ANKRD11: variants seen among roughly 807,000 people sequenced by gnomAD.
The protein encoded by ANKRD11 is ankyrin repeat domain-containing protein 11.
ANKRD11 carries 17 observed loss-of-function variants against 195.7 expected under a neutral mutation model. That is an observed-to-expected ratio of 0.09 (90% CI 0.06 to 0.13). The LOEUF is 0.13. ANKRD11 is among the 10% of genes least tolerant of loss of function. The pLI is 1.00. For missense variants in ANKRD11, 3,735 were observed against 3,566.1 expected (o/e 1.05, Z -1.21); for synonymous variants, 1,953 against 1,528.1 (o/e 1.28, Z -6.49).
rs939096148 is a variant in ANKRD11 at position 89,283,632 on chromosome 16, C to G, written c.2910G>C (p.Glu970Asp). ...ACTCCTTCAGCTCCTCCCGGTGCGC[C>G]TCCTCGGGCTTGGCCCTGCCGTCCC... ...ERRDGRAKPEEAHREELKECG... is the reference protein window; with the variant it reads ...ERRDGRAKPEDAHREELKECG... Residue 970 changes from glutamate (E) to aspartate (D), a missense_variant, in exon 9 of 13, where the codon GAG (glutamate) becomes GAC (aspartate). By Grantham distance (45) the Glu-to-Asp change is conservative. Transcript: ENST00000301030. This position sits in a 1 kb window ranked among gnomAD's most constrained non-coding sequence, Gnocchi z 4.3. The G allele has an allele frequency of 1.2e-6, 2 of 1,610,554 alleles. No individual in the cohort carries two copies. Among genetic ancestry groups the G allele is most frequent in the Non-Finnish European group, 1.7e-6 (2 of 1,179,890 alleles).
chr16:89,275,131 C>T lies in ANKRD11; in HGVS notation c.7531G>A (p.Val2511Ile), dbSNP rs777571791. The T allele has an allele frequency of 3.1e-5, 50 of 1,612,196 alleles. No individual in the cohort carries two copies. The highest frequency in any genetic ancestry group is 3.7e-5 in the Non-Finnish European group (44 of 1,179,538). Residue 2511 changes from valine to isoleucine, a missense_variant, in exon 10 of 13, where the codon GTC becomes ATC. Coordinates refer to ENST00000301030, the MANE Select transcript of ANKRD11 (RefSeq NM_013275.6). ...LKELFRQQEAVRGKLRLQHSI... is the reference protein window; with the variant it reads ...LKELFRQQEAIRGKLRLQHSI... ...TGCTGTAGACGCAGCTTTCCCCGGACGGCCTCCTGCTGCCTGAACAGCTCC... is the reference window on the plus strand; with the variant it reads ...TGCTGTAGACGCAGCTTTCCCCGGATGGCCTCCTGCTGCCTGAACAGCTCC...
chr16:89,280,680 G>C lies in ANKRD11; in HGVS notation c.5862C>G (p.Ser1954=). ...TCAGGCTAGAGGCAAGCGCCTGCTC[G>C]GAGGGGTGGGCCCACTCAACGGGCT... ...TEEPVEWAHP[S]EQALASSLIG... is the part of the protein sequence containing the mutation. Residue 1954 remains serine, a synonymous_variant, in exon 9 of 13, where the codon TCC becomes TCG. Coordinates refer to ENST00000301030, the MANE Select transcript of ANKRD11 (RefSeq NM_013275.6). The C allele has an allele frequency of 1.2e-6, 2 of 1,613,412 alleles. No homozygotes were observed. Among genetic ancestry groups the C allele is most frequent in the Non-Finnish European group, 1.7e-6 (2 of 1,179,938 alleles).
At chr16:89,305,059 C>T (rs2036098707) in intron 4 of ANKRD11, 147 bp downstream of exon 4, 4 of 1,280,580 alleles carry the variant, frequency 3.1e-6, no homozygotes, top group African/African-American at 3.0e-5. Flanking sequence ...TGTGCTCCGC[C>T]CCTGCTGCCT....
chr16:89,363,920 A>G (rs1407600722), intron 2 of ANKRD11, among the ~76,000 whole-genome samples: 1 of 152,172 alleles, frequency 6.6e-6, no homozygotes. Flanking sequence ...TTACCCAGGT[A>G]TGATGGCATA....
intron 2 of ANKRD11, among the ~76,000 whole-genome samples, chr16:89,401,983 G>C (rs1347399918): frequency 2.0e-5 from 3 of 147,256 alleles, no homozygotes; most frequent in Non-Finnish European, 3.0e-5. Flanking sequence ...CGGCCCTGCA[G>C]ACAGCTTGGT....
At chr16:89,312,077 T>C (rs1046032202) in intron 3 of ANKRD11, among the ~76,000 whole-genome samples, 19 of 152,292 alleles carry the variant, frequency 1.2e-4, no homozygotes, top group African/African-American at 4.3e-4. Flanking sequence ...TTTGTATTTT[T>C]AGTAGAGATG....
chr16:89,455,151 AGGGTTCCTC>A (rs547102112), intron 1 of ANKRD11, among the ~76,000 whole-genome samples: 2 of 130,166 alleles, frequency 1.5e-5, no homozygotes, highest in Admixed American at 7.7e-5. Context: ...GGGTGCTGTT[AGGGTTCCTC>A]AAGCTGCTCC....
intron 2 of ANKRD11, among the ~76,000 whole-genome samples, chr16:89,398,105 C>T (rs1352656834): frequency 4.0e-5 from 6 of 151,278 alleles, no homozygotes; most frequent in African/African-American, 1.2e-4. Context: ...GTAACCTCAG[C>T]GCTCTGGGAG....
intron 2 of ANKRD11, among the ~76,000 whole-genome samples, chr16:89,397,384 A>G (rs1204701986): frequency 6.6e-6 from 1 of 152,246 alleles, no homozygotes; most frequent in Non-Finnish European, 1.5e-5. Flanking sequence ...GTTTTCTCAA[A>G]GAAGCTGAAG....
chr16:89,286,012 C>T (rs527719800), intron 8 of ANKRD11, 27 bp downstream of exon 8: 1 of 1,614,088 alleles, frequency 6.2e-7, no homozygotes, highest in African/African-American at 1.3e-5. Flanking sequence ...CATAAAAGAA[C>T]AGGCAGCTCA....
intron 1 of ANKRD11, among the ~76,000 whole-genome samples, chr16:89,455,351 G>A (rs1448223504): frequency 1.3e-5 from 2 of 152,244 alleles, no homozygotes; most frequent in Non-Finnish European, 2.9e-5. Context: ...GTGCTGTTAG[G>A]GTTCCTCATG....
intron 2 of ANKRD11, among the ~76,000 whole-genome samples, chr16:89,395,066 C>T (rs1170882634): frequency 1.3e-5 from 2 of 152,156 alleles, no homozygotes; most frequent in East Asian, 3.8e-4. Context: ...TTTGGAAAAA[C>T]AAAGACAAAT....
chr16:89,489,305 G>C (rs543104483), intron 1 of ANKRD11: 1 of 152,116 alleles, frequency 6.6e-6, no homozygotes, highest in Non-Finnish European at 1.5e-5. Flanking sequence ...AATGAGGAAC[G>C]GAAATTAACA....
Position 89,348,486 on chromosome 16 carries a change from C to A in ANKRD11, c.-59-31408G>T, listed in dbSNP as rs966750152. ...ACTCATAGAAAGACTGGATGTGTAC[C>A]CTCCTCTGTTGTGGAAGGGCTTCTA... On this transcript the variant is annotated intron_variant, in intron 2 of 12. Transcript: ENST00000301030. 1.2e-4 allele frequency among the ~76,000 whole-genome samples: 18 copies of A among 152,192 alleles called. 1 individual carries two copies. The highest frequency in any genetic ancestry group is 4.2e-4 in the South Asian group (2 of 4,812).
intron 3 of ANKRD11, among the ~76,000 whole-genome samples, chr16:89,307,026 GAC>G (rs1226132225): frequency 2.1e-5 from 3 of 144,608 alleles, no homozygotes; most frequent in South Asian, 4.5e-4. Context: ...GGGGCAGTGT[GAC>G]ACACACAGCG....
intron 1 of ANKRD11, among the ~76,000 whole-genome samples, chr16:89,429,436 T>C (rs2042882740): frequency 1.6e-5 from 1 of 61,002 alleles, no homozygotes; most frequent in Non-Finnish European, 3.3e-5. Context: ...CTCTCAACTC[T>C]CGCGCTCAGA....
chr16:89,308,827 G>A (rs1347612619), intron 3 of ANKRD11, among the ~76,000 whole-genome samples: 1 of 152,112 alleles, frequency 6.6e-6, no homozygotes, highest in East Asian at 1.9e-4. Flanking sequence ...CCATGAGAAC[G>A]GGGACGTGCA....
chr16:89,480,455 C>T (rs536100135), intron 1 of ANKRD11, among the ~76,000 whole-genome samples: 5 of 150,734 alleles, frequency 3.3e-5, no homozygotes, highest in Admixed American at 6.6e-5. Context: ...CCAGCCTGGG[C>T]GACAGAGTGA....
intron 1 of ANKRD11, among the ~76,000 whole-genome samples, chr16:89,480,066 G>A (rs533337824): frequency 6.2e-5 from 9 of 145,446 alleles, no homozygotes; most frequent in African/African-American, 1.0e-4. Context: ...AGCTGAGATC[G>A]TGTCATTGCA....
Sources: allele counts gnomAD v4.1 joint callset (sites outside exome capture counted in the v4.1 genomes callset), GRCh38; gene constraint gnomAD v4.1.1; non-coding constraint Gnocchi (gnomAD v3.1); transcripts MANE v1.5; gene names NCBI Gene and HGNC (gene_info 2026-07-23, HGNC 2026-07-21).